UGT1A8: variants seen among roughly 807,000 people sequenced by gnomAD.
The protein encoded by UGT1A8 is UDP glucuronosyltransferase family 1 member A8.
Under a neutral mutation model 45.3 loss-of-function variants are expected in UGT1A8, and 39 were observed. The observed-to-expected ratio is 0.86, with a 90% CI of 0.67 to 1.12. UGT1A8 has a LOEUF of 1.12. Among genes scored for constraint, UGT1A8 ranks in the 50% most tolerant of loss-of-function variants. The pLI, the probability that UGT1A8 is intolerant of heterozygous loss-of-function variation, is 0.00. For synonymous variants in UGT1A8, 275 were observed against 249.2 expected (o/e 1.10, Z -0.97); for missense variants, 719 against 664.9 (o/e 1.08, Z -0.90).
chr2:233,729,207 G>A (rs6706232), intron 1 of UGT1A8: 749,602 of 1,613,822 alleles, frequency 0.46, 180,459 homozygotes, highest in African/African-American at 0.76. Flanking sequence ...CCTGGGCTGA[G>A]AGTGGAAAGG....
chr2:233,767,749 G>A (rs1699471404), intron 2 of UGT1A8, 100 bp from the exon 3 acceptor site: 1 of 1,594,036 alleles, frequency 6.3e-7, no homozygotes, highest in African/African-American at 1.3e-5. Context: ...GTTAAAGACT[G>A]TTCCTTCAGA....
chr2:233,670,929 A>G (rs531919173), intron 1 of UGT1A8, among the ~76,000 whole-genome samples: 2 of 152,234 alleles, frequency 1.3e-5, no homozygotes, highest in Non-Finnish European at 2.9e-5. Context: ...CAACAAAAAA[A>G]CTGGCAGTGG....
intron 1 of UGT1A8, among the ~76,000 whole-genome samples, chr2:233,682,977 T>C (rs1213676432): frequency 6.6e-6 from 1 of 152,212 alleles, no homozygotes; most frequent in African/African-American, 2.4e-5. Context: ...CTCTTGTTGA[T>C]ATGTAAGTGT....
At chr2:233,698,178 TATG>T (rs768933857) in intron 1 of UGT1A8, among the ~76,000 whole-genome samples, 4 of 152,222 alleles carry the variant, frequency 2.6e-5, no homozygotes, top group Non-Finnish European at 5.9e-5. Flanking sequence ...CATTCTGTAT[TATG>T]ATATGTAATT....
At chr2:233,717,608 A>G (rs897044016) in intron 1 of UGT1A8, among the ~76,000 whole-genome samples, 23 of 152,264 alleles carry the variant, frequency 1.5e-4, no homozygotes, top group African/African-American at 5.5e-4. Context: ...AAGTGGGCAC[A>G]GCCCAGAGAG....
chr2:233,663,085 T>C (rs1304401778), intron 1 of UGT1A8, among the ~76,000 whole-genome samples: 1 of 152,152 alleles, frequency 6.6e-6, no homozygotes, highest in Non-Finnish European at 1.5e-5. Context: ...TCTGCAGAAC[T>C]CTCTTCATCT....
intron 1 of UGT1A8, among the ~76,000 whole-genome samples, chr2:233,644,019 G>A (rs1296571909): frequency 6.6e-6 from 1 of 152,166 alleles, no homozygotes; most frequent in East Asian, 1.9e-4. Flanking sequence ...TGGGATTAGG[G>A]GAGGAGTGAT....
chr2:233,701,891 A>G (rs955417049), intron 1 of UGT1A8, among the ~76,000 whole-genome samples: 4 of 152,178 alleles, frequency 2.6e-5, no homozygotes, highest in Non-Finnish European at 5.9e-5. Flanking sequence ...AAGAGAAAGC[A>G]GAAAAGATCT....
chr2:233,643,129 C>T (rs1351940428), intron 1 of UGT1A8, among the ~76,000 whole-genome samples: 1 of 152,230 alleles, frequency 6.6e-6, no homozygotes, highest in African/African-American at 2.4e-5. Flanking sequence ...CTGCATCCCT[C>T]CCTTCAGAAT....
chr2:233,720,427 G>C (rs2076857980), intron 1 of UGT1A8, among the ~76,000 whole-genome samples: 1 of 152,044 alleles, frequency 6.6e-6, no homozygotes, highest in Non-Finnish European at 1.5e-5. Context: ...GAGGAGATAA[G>C]ACCGTGAATC....
chr2:233,722,629 T>C (rs892720273), intron 1 of UGT1A8, among the ~76,000 whole-genome samples: 4 of 152,210 alleles, frequency 2.6e-5, no homozygotes, highest in African/African-American at 7.2e-5. Flanking sequence ...TAATGAAGCA[T>C]TGAGGGCTCG....
intron 1 of UGT1A8, among the ~76,000 whole-genome samples, chr2:233,746,886 T>C (rs1265545295): frequency 6.6e-6 from 1 of 151,624 alleles, no homozygotes; most frequent in Non-Finnish European, 1.5e-5. Context: ...AACAGAGAAG[T>C]AGGAGGCTGT....
intron 1 of UGT1A8, among the ~76,000 whole-genome samples, chr2:233,721,047 T>A (rs1167296961): frequency 6.6e-6 from 1 of 152,100 alleles, no homozygotes; most frequent in Non-Finnish European, 1.5e-5. Flanking sequence ...TTGAGCCCTT[T>A]TTTGTCATAT....
chr2:233,618,423 TCA>T lies in UGT1A8; in HGVS notation c.719_720del (p.Thr240SerfsTer3). 1 of 1,613,922 alleles carries T rather than the reference TCA, an allele frequency of 6.2e-7. No homozygotes were observed. Among genetic ancestry groups the T allele is most frequent in the Non-Finnish European group, 8.5e-7 (1 of 1,179,848 alleles). ...GCCTCTGAAATTCTCCAAACACCTG[TCA>T]CAGCATATGATCTCTACAGCCACAC... is the stretch of plus-strand genomic sequence containing the variant. On this transcript the variant is annotated frameshift_variant, in exon 1 of 5. Transcript: ENST00000373450. LOFTEE classifies it high-confidence loss of function.
At chr2:233,741,527 G>A (rs1192386842) in intron 1 of UGT1A8, 5 of 151,902 alleles carry the variant, frequency 3.3e-5, no homozygotes, top group Non-Finnish European at 5.9e-5. Flanking sequence ...TTAACAGTCT[G>A]TCTTATTCTG....
At chr2:233,735,447 G>A (rs1470432521) in intron 1 of UGT1A8, among the ~76,000 whole-genome samples, 4 of 152,136 alleles carry the variant, frequency 2.6e-5, no homozygotes, top group Non-Finnish European at 5.9e-5. Flanking sequence ...ATACCGATGG[G>A]CCTTGACTCT....
At chr2:233,734,546 C>T (rs975748353) in intron 1 of UGT1A8, among the ~76,000 whole-genome samples, 34 of 152,032 alleles carry the variant, frequency 2.2e-4, no homozygotes, top group East Asian at 1.9e-4. Flanking sequence ...TATTTCTTCC[C>T]TTCTGCTAGC....
chr2:233,691,070 T>C (rs1421029185), intron 1 of UGT1A8: 33 of 986,176 alleles, frequency 3.3e-5, no homozygotes, highest in Non-Finnish European at 3.6e-5. Context: ...GTATAAAGAA[T>C]GTGAAGTTTG....
chr2:233,694,980 T>C (rs1559347532), intron 1 of UGT1A8, among the ~76,000 whole-genome samples: 1 of 152,352 alleles, frequency 6.6e-6, no homozygotes, highest in South Asian at 2.1e-4. Flanking sequence ...CTTCCTTATG[T>C]TGGGAACATT....
Sources: gnomAD v4.1 joint callset for allele counts (sites outside exome capture counted in the v4.1 genomes callset) on GRCh38, gnomAD v4.1.1 for gene constraint, MANE v1.5 for transcripts, NCBI Gene and HGNC (gene_info 2026-07-23, HGNC 2026-07-21) for gene names.